Variants in EPHB1 observed in about 807,000 individuals in gnomAD.
The protein encoded by EPHB1 is ephrin type-B receptor 1.
EPHB1 carries 30 observed loss-of-function variants against 94.4 expected under a neutral mutation model. The ratio of observed to expected loss-of-function variants is 0.32; its 90% confidence interval spans 0.24 to 0.43. The LOEUF (loss-of-function observed/expected upper bound fraction) is 0.43. Among genes scored for constraint, EPHB1 ranks in the 20% least tolerant of loss-of-function variants. The pLI is 1.00. For missense variants in EPHB1, 1,055 were observed against 1,308.3 expected (o/e 0.81, Z 2.99); for synonymous variants, 522 against 489.1 (o/e 1.07, Z -0.89).
chr3:135,029,593 G>A lies in EPHB1; in HGVS notation c.806-76855G>A, dbSNP rs1457224422. On this transcript the variant is annotated intron_variant, in intron 3 of 15. Coordinates refer to ENST00000398015, the MANE Select transcript of EPHB1 (RefSeq NM_004441.5). ...TTGTAGGGTTTCTGCCGAGAGATCC[G>A]CTGTTAGTCTGATGGGCTTCCCTTT... Among the ~76,000 whole-genome samples, 37 of 149,886 alleles carry A rather than the reference G, an allele frequency of 2.5e-4. No individual in the cohort carries two copies. The Middle Eastern group carries it at 0.01, about 42-fold the overall frequency.
At chr3:135,224,145 G>T (rs960133727) in intron 12 of EPHB1, among the ~76,000 whole-genome samples, 1 of 152,140 alleles carries the variant, frequency 6.6e-6, no homozygotes, top group Non-Finnish European at 1.5e-5. Context: ...GGTGTGTAGT[G>T]AGCTATCCCA....
chr3:135,157,818 CCAGATATACA>C (rs1207712725), intron 6 of EPHB1, among the ~76,000 whole-genome samples: 1 of 151,896 alleles, frequency 6.6e-6, no homozygotes, highest in East Asian at 1.9e-4. Flanking sequence ...CTATTATGTG[CCAGATATACA>C]CAGATATATT....
intron 3 of EPHB1, among the ~76,000 whole-genome samples, chr3:135,072,476 C>T (rs998992222): frequency 2.6e-5 from 4 of 152,116 alleles, no homozygotes; most frequent in South Asian, 2.1e-4. Context: ...AATTTTTTAC[C>T]AGCCCTCTGG....
At chr3:134,836,939 G>A (rs546377370) in intron 1 of EPHB1, among the ~76,000 whole-genome samples, 1 of 152,284 alleles carries the variant, frequency 6.6e-6, no homozygotes, top group South Asian at 2.1e-4. Flanking sequence ...ACTATTATTG[G>A]TTTTCATTTT....
intron 13 of EPHB1, among the ~76,000 whole-genome samples, chr3:135,241,842 C>T (rs1943792034): frequency 1.3e-5 from 2 of 152,160 alleles, no homozygotes; most frequent in African/African-American, 2.4e-5. Context: ...TCTATGATCC[C>T]ATATCACCTA....
In EPHB1 at chr3:135,248,474, G is replaced by A. The variant is rs373267837; in HGVS notation, c.2655G>A (p.Pro885=). The A allele has an allele frequency of 5.6e-5, 91 of 1,611,930 alleles. No individual in the cohort carries two copies. The Admixed American group carries it at 9.0e-4, about 16-fold the overall frequency. ...VNTLDKMIRN[P]ASLKTVATIT... is the part of the protein sequence containing the mutation. Reference sequence around the variant, plus strand: ...CCCTAGATAAGATGATCCGGAACCCGGCAAGTCTCAAGACTGTGGCAACCA... The same window carrying A: ...CCCTAGATAAGATGATCCGGAACCCAGCAAGTCTCAAGACTGTGGCAACCA... The change falls in exon 14 of 16, where the codon CCG becomes CCA. Residue 885 remains proline, a synonymous_variant. Coordinates refer to ENST00000398015, the MANE Select transcript of EPHB1 (RefSeq NM_004441.5).
At chr3:135,255,787 C>G (rs1396827843) in intron 15 of EPHB1, among the ~76,000 whole-genome samples, 2 of 146,340 alleles carry the variant, frequency 1.4e-5, no homozygotes, top group Admixed American at 6.8e-5. Context: ...GACTTTCTGT[C>G]TCATTGATCT....
intron 4 of EPHB1, among the ~76,000 whole-genome samples, chr3:135,119,062 T>C (rs1276785403): frequency 6.6e-6 from 1 of 152,198 alleles, no homozygotes; most frequent in Non-Finnish European, 1.5e-5. Flanking sequence ...AGACTTTTAT[T>C]TTTTGCCAAG....
At chr3:134,975,858 C>T (rs747186566) in intron 3 of EPHB1, among the ~76,000 whole-genome samples, 70 of 151,968 alleles carry the variant, frequency 4.6e-4, no homozygotes, top group Admixed American at 9.8e-4. Context: ...ATATTGGCCA[C>T]ATTAAATCTT....
intron 1 of EPHB1, among the ~76,000 whole-genome samples, chr3:134,923,745 C>T (rs2038735082): frequency 6.6e-6 from 1 of 152,150 alleles, no homozygotes; most frequent in Non-Finnish European, 1.5e-5. Flanking sequence ...CTCCCCAAAC[C>T]TTTGGTTTAT....
intron 1 of EPHB1, among the ~76,000 whole-genome samples, chr3:134,846,508 A>G (rs928911939): frequency 1.3e-5 from 2 of 152,108 alleles, no homozygotes; most frequent in African/African-American, 4.8e-5. Flanking sequence ...TATAGCCCAA[A>G]TTTACTATTC....
chr3:135,084,052 A>G (rs989144559), intron 3 of EPHB1, among the ~76,000 whole-genome samples: 16 of 152,324 alleles, frequency 1.1e-4, no homozygotes, highest in African/African-American at 3.8e-4. Context: ...CTTTTCAAGA[A>G]TAGATTTTTT....
chr3:135,239,608 A>C (rs1291303909), intron 12 of EPHB1, among the ~76,000 whole-genome samples: 4 of 152,234 alleles, frequency 2.6e-5, no homozygotes, highest in African/African-American at 9.6e-5. Context: ...CATATTTGCT[A>C]TAGGGAGTGA....
chr3:134,817,936 G>C (rs1022775756), intron 1 of EPHB1, among the ~76,000 whole-genome samples: 1 of 152,200 alleles, frequency 6.6e-6, no homozygotes, highest in Non-Finnish European at 1.5e-5. Context: ...ATGCAGCCAG[G>C]TTCACAGACA....
chr3:134,870,219 G>A (rs1219754289), intron 1 of EPHB1, among the ~76,000 whole-genome samples: 1 of 152,142 alleles, frequency 6.6e-6, no homozygotes, highest in Non-Finnish European at 1.5e-5. Context: ...AGAGGCAAGA[G>A]GACTTCGGCC....
intron 1 of EPHB1, among the ~76,000 whole-genome samples, chr3:134,801,312 A>G (rs947451963): frequency 2.0e-5 from 3 of 152,182 alleles, no homozygotes; most frequent in Admixed American, 6.5e-5. Flanking sequence ...GGACTGGTAT[A>G]TTCGTTCCTC....
At chr3:135,156,064 T>C (rs1277516249) in intron 6 of EPHB1, among the ~76,000 whole-genome samples, 1 of 151,932 alleles carries the variant, frequency 6.6e-6, no homozygotes, top group Non-Finnish European at 1.5e-5. Context: ...ATTTCGGGCA[T>C]GGGAAGGTTT....
At chr3:134,869,092 A>G (rs2037443433) in intron 1 of EPHB1, among the ~76,000 whole-genome samples, 1 of 152,238 alleles carries the variant, frequency 6.6e-6, no homozygotes, top group South Asian at 2.1e-4. Flanking sequence ...AGAGGATTAG[A>G]TGGTGTTACA....
At chr3:134,851,197 C>A (rs563097458) in intron 1 of EPHB1, among the ~76,000 whole-genome samples, 2 of 152,364 alleles carry the variant, frequency 1.3e-5, no homozygotes, top group African/African-American at 4.8e-5. Context: ...TGCAGAAAGG[C>A]AGAGCCCAGC....
Sources: gnomAD v4.1 joint callset for allele counts (sites outside exome capture counted in the v4.1 genomes callset) on GRCh38, gnomAD v4.1.1 for gene constraint, MANE v1.5 for transcripts, NCBI Gene and HGNC (gene_info 2026-07-23, HGNC 2026-07-21) for gene names.